FOCAD: variants seen among roughly 807,000 people sequenced by gnomAD.
The protein encoded by FOCAD is focadhesin.
Under a neutral mutation model 225.6 loss-of-function variants are expected in FOCAD, and 198 were observed. That is an observed-to-expected ratio of 0.88 (90% confidence interval 0.78 to 0.99). The LOEUF is 0.99. Ranked by LOEUF, FOCAD falls within the 50% of genes least tolerant of loss-of-function variation. The probability of loss-of-function intolerance (pLI) is 0.00; values close to 1 mark genes in which losing one functional copy is unlikely to be tolerated. For synonymous variants in FOCAD, 897 were observed against 755.0 expected, an observed-to-expected ratio of 1.19 and a Z score of -3.08; for missense variants, 2,713 against 2,123.6, an observed-to-expected ratio of 1.28 and a Z score of -5.46.
intron 28 of FOCAD, among the ~76,000 whole-genome samples, chr9:20,942,665 C>T (rs989574177): frequency 6.6e-6 from 1 of 152,080 alleles, no homozygotes; most frequent in Non-Finnish European, 1.5e-5. Context: ...CTTCAGCTTT[C>T]AATAAATACT....
At chr9:20,993,680 T>C (rs544122186) in intron 43 of FOCAD, among the ~76,000 whole-genome samples, 1 of 152,310 alleles carries the variant, frequency 6.6e-6, no homozygotes, top group South Asian at 2.1e-4. Flanking sequence ...TGTTGTCATA[T>C]TGAGGCTCAA....
intron 1 of FOCAD, among the ~76,000 whole-genome samples, chr9:20,695,973 T>C (rs1203193289): frequency 6.6e-6 from 1 of 152,232 alleles, no homozygotes; most frequent in Admixed American, 6.5e-5. Flanking sequence ...ATCATATAGC[T>C]TTTTTTAGCT....
chr9:20,672,166 C>T (rs190228770), intron 2 of FOCAD, among the ~76,000 whole-genome samples: 1 of 152,194 alleles, frequency 6.6e-6, no homozygotes, highest in East Asian at 1.9e-4. Flanking sequence ...GAAGACTGTT[C>T]CAAAGGTCCT....
At chr9:20,742,877 G>A (rs752960922) in intron 5 of FOCAD, among the ~76,000 whole-genome samples, 4 of 152,156 alleles carry the variant, frequency 2.6e-5, no homozygotes, top group Non-Finnish European at 4.4e-5. Flanking sequence ...CTTTAGATAC[G>A]TGGCACATTA....
In FOCAD at chr9:20,671,544, C is replaced by T. The variant is rs1822063842; in HGVS notation, c.-78+12718C>T. Among the ~76,000 whole-genome samples, 5 of 152,064 alleles carry T rather than the reference C, an allele frequency of 3.3e-5. No individual in the cohort carries two copies. The South Asian group carries it at 1.0e-3, about 32-fold the overall frequency. ...GTGTATATGGTGACTGTTCAGTTTCCACCTATTGGCCGTCCTTGCAAGGGA... is the reference window on the plus strand; with the variant it reads ...GTGTATATGGTGACTGTTCAGTTTCTACCTATTGGCCGTCCTTGCAAGGGA... On this transcript the variant is annotated intron_variant, in intron 2 of 45. Transcript: ENST00000380249.
intron 16 of FOCAD, among the ~76,000 whole-genome samples, chr9:20,865,577 C>T (rs1057462117): frequency 3.3e-5 from 5 of 151,910 alleles, no homozygotes; most frequent in Admixed American, 2.6e-4. Context: ...TACCATGTGC[C>T]GTATGGCCAC....
Position 20,740,252 on chromosome 9 carries a change from A to G in FOCAD, c.304A>G (p.Ile102Val). ...TCTTTGCAGAAATACACATGGCTTG[A>G]TAAAAGCCATTATGCACTTACTACA... The part of the protein sequence containing the change: ...IPSTRNTHGL[I>V]KAIMHLLQMQ... Residue 102 changes from isoleucine (I) to valine (V), a missense_variant, in exon 5 of 44, where the codon ATA (isoleucine) becomes GTA (valine). Transcript: ENST00000338382. 6.2e-7 allele frequency: 1 copy of G among 1,604,592 alleles called. No homozygotes were observed. Among genetic ancestry groups the G allele is most frequent in the Non-Finnish European group, 8.5e-7 (1 of 1,174,672 alleles).
intron 6 of FOCAD, among the ~76,000 whole-genome samples, chr9:20,761,889 A>AT (rs1216869436): frequency 1.3e-5 from 2 of 152,006 alleles, no homozygotes; most frequent in South Asian, 2.1e-4. Flanking sequence ...TTTAATATTC[A>AT]TTTTTTCCTA....
intron 38 of FOCAD, 58 bp from the exon 39 acceptor site, chr9:20,982,299 C>A: frequency 1.7e-6 from 2 of 1,207,698 alleles, no homozygotes; most frequent in Non-Finnish European, 2.4e-6. Flanking sequence ...TTTGTCAGAA[C>A]ATTTTGACCT....
chr9:20,738,467 CAGG>C (rs1337984492), intron 4 of FOCAD, among the ~76,000 whole-genome samples: 1 of 152,174 alleles, frequency 6.6e-6, no homozygotes, highest in Non-Finnish European at 1.5e-5. Context: ...AGAACACACA[CAGG>C]AGAGAGAATC....
At chr9:20,777,907 G>A (rs1468220236) in intron 8 of FOCAD, among the ~76,000 whole-genome samples, 3 of 151,682 alleles carry the variant, frequency 2.0e-5, no homozygotes, top group South Asian at 2.1e-4. Flanking sequence ...TCGAGACCAC[G>A]GTGAAACCCC....
At chr9:20,731,000 C>T (rs1407831556) in intron 4 of FOCAD, among the ~76,000 whole-genome samples, 1 of 152,164 alleles carries the variant, frequency 6.6e-6, no homozygotes, top group East Asian at 1.9e-4. Flanking sequence ...CTTTGGGAGG[C>T]TGAGGCGGGC....
intron 16 of FOCAD, 51 bp from the exon 17 acceptor site, chr9:20,865,875 C>A: frequency 7.5e-7 from 1 of 1,330,258 alleles, no homozygotes; most frequent in Non-Finnish European, 1.1e-6. Context: ...TATTTAGTCT[C>A]AGTTTTAGCT....
intron 21 of FOCAD, among the ~76,000 whole-genome samples, chr9:20,898,088 G>A (rs911222890): frequency 6.6e-6 from 1 of 151,704 alleles, no homozygotes; most frequent in Non-Finnish European, 1.5e-5. Context: ...TTTTCTGGTA[G>A]AAAGATGGAT....
At chr9:20,940,998 T>C (rs926718074) in intron 28 of FOCAD, among the ~76,000 whole-genome samples, 1 of 152,154 alleles carries the variant, frequency 6.6e-6, no homozygotes, top group Admixed American at 6.5e-5. Flanking sequence ...GCTTTTTAAC[T>C]AGACCCAGAC....
At position 20,995,557 on chromosome 9, in the gene FOCAD, C is replaced by A; in HGVS notation, c.5334C>A (p.Ala1778=). The A allele has an allele frequency of 6.2e-7, 1 of 1,612,200 alleles. No individual in the cohort carries two copies. Among genetic ancestry groups the A allele is most frequent in the South Asian group, 1.1e-5 (1 of 91,054 alleles). ...LSAQSRDLLK[A]TLLSLRVLPE... is the part of the protein sequence containing the mutation. ...CATACCTATATTTTGTCCCCTTAGC[C>A]ACCCTGCTGTCCTTGAGAGTTCTCC... is the stretch of plus-strand genomic sequence containing the variant. The change falls in exon 44 of 44, where the codon GCC becomes GCA. Residue 1778 remains alanine (A), a splice_region_variant and synonymous_variant. Coordinates refer to ENST00000338382, the MANE Select transcript of FOCAD (RefSeq NM_001375567.1).
At chr9:20,964,874 C>A (rs1839119297) in intron 35 of FOCAD, among the ~76,000 whole-genome samples, 1 of 152,036 alleles carries the variant, frequency 6.6e-6, no homozygotes, top group Admixed American at 6.6e-5. Flanking sequence ...GGGAGAGAAG[C>A]ATCACTGGAA....
chr9:20,972,493 T>C (rs1421286743), intron 35 of FOCAD, among the ~76,000 whole-genome samples: 2 of 151,926 alleles, frequency 1.3e-5, no homozygotes, highest in Non-Finnish European at 2.9e-5. Context: ...GCTCTCTTTT[T>C]TTCTATGTTA....
In FOCAD at chr9:20,992,817, G is replaced by A. The variant is rs139768684; in HGVS notation, c.5257-436G>A. On this transcript the variant is annotated intron_variant, in intron 42 of 43. Transcript: ENST00000338382. Reference sequence around the variant, plus strand: ...TACTAAGAAAAAAATACAAAAATTAGCTGGGTGTGGTGGTGTACGCCTATA... The same window carrying A: ...TACTAAGAAAAAAATACAAAAATTAACTGGGTGTGGTGGTGTACGCCTATA... Among the ~76,000 whole-genome samples, 85 of 152,262 alleles carry A rather than the reference G, an allele frequency of 5.6e-4. No individual in the cohort carries two copies. The East Asian group carries it at 0.015, about 27-fold the overall frequency.
Sources: gnomAD v4.1 joint callset for allele counts (sites outside exome capture counted in the v4.1 genomes callset) on GRCh38, gnomAD v4.1.1 for gene constraint, MANE v1.5 for transcripts, NCBI Gene and HGNC (gene_info 2026-07-23, HGNC 2026-07-21) for gene names.